The following PTPN2 variants were observed in gnomAD, a reference collection of about 807,000 sequenced individuals.
PTPN2 encodes protein tyrosine phosphatase non-receptor type 2, also known as tyrosine-protein phosphatase non-receptor type 2.
Under a neutral mutation model 57.3 loss-of-function variants are expected in PTPN2, and 19 were observed. The observed-to-expected ratio is 0.33, with a 90% CI of 0.23 to 0.49. PTPN2 has a LOEUF of 0.49. PTPN2 is among the 20% of genes least tolerant of loss of function. The pLI, the probability that PTPN2 is intolerant of heterozygous loss-of-function variation, is 0.99. For missense variants in PTPN2, 358 were observed against 501.1 expected, an observed-to-expected ratio of 0.71 and a Z score of 2.73; for synonymous variants, 153 against 164.9, an observed-to-expected ratio of 0.93 and a Z score of 0.55.
downstream of PTPN2, among the ~76,000 whole-genome samples, chr18:12,790,431 G>A (rs1236249211): frequency 6.6e-6 from 1 of 152,160 alleles, no homozygotes; most frequent in African/African-American, 2.4e-5. Context: ...AGAGGGAAGT[G>A]AGTTGCAGTT....
intron 3 of PTPN2, among the ~76,000 whole-genome samples, chr18:12,833,978 G>T (rs62097818): frequency 6.6e-6 from 1 of 152,128 alleles, no homozygotes; most frequent in African/African-American, 2.4e-5. Context: ...CTGAGTTCTC[G>T]CATTAAATGG....
chr18:12,788,731 G>A (rs962303765), downstream of PTPN2, among the ~76,000 whole-genome samples: 6 of 152,078 alleles, frequency 3.9e-5, no homozygotes, highest in African/African-American at 1.4e-4. Context: ...GCTCAGCAAT[G>A]GCAGTGAGGA....
chr18:12,805,896 G>T (rs556413546), intron 7 of PTPN2, among the ~76,000 whole-genome samples: 1 of 152,138 alleles, frequency 6.6e-6, no homozygotes, highest in East Asian at 1.9e-4. Context: ...CCAAAGTGCT[G>T]GGATTACAGG....
chr18:12,814,860 AATCACTTGAGGCCAG>A (rs2042013390), intron 6 of PTPN2, among the ~76,000 whole-genome samples: 1 of 151,928 alleles, frequency 6.6e-6, no homozygotes, highest in African/African-American at 2.4e-5. Context: ...TGGGAGGCCA[AATCACTTGAGGCCAG>A]GAGCTAGAGA....
At chr18:12,874,586 G>C (rs1222491082) in intron 1 of PTPN2, among the ~76,000 whole-genome samples, 1 of 130,468 alleles carries the variant, frequency 7.7e-6, no homozygotes, top group African/African-American at 2.9e-5. Flanking sequence ...GAGGGAGGTG[G>C]GGGGTTCAGC....
chr18:12,858,023 AT>A (rs1203157976), intron 2 of PTPN2, among the ~76,000 whole-genome samples: 1 of 152,118 alleles, frequency 6.6e-6, no homozygotes, highest in Admixed American at 6.5e-5. Flanking sequence ...AAAAATAAGG[AT>A]TTTTTTCCAG....
At chr18:12,813,123 C>T (rs1267872143) in intron 7 of PTPN2, among the ~76,000 whole-genome samples, 3 of 152,044 alleles carry the variant, frequency 2.0e-5, no homozygotes, top group East Asian at 1.9e-4. Context: ...GCAGGGAAGG[C>T]GGCATGCAGG....
At chr18:12,857,223 C>T (rs2043622604) in intron 2 of PTPN2, among the ~76,000 whole-genome samples, 1 of 151,950 alleles carries the variant, frequency 6.6e-6, no homozygotes, top group African/African-American at 2.4e-5. Context: ...AGACTGTGGC[C>T]CCAGAAAGGC....
At chr18:12,865,997 A>G (rs937372625) in intron 1 of PTPN2, among the ~76,000 whole-genome samples, 1 of 152,240 alleles carries the variant, frequency 6.6e-6, no homozygotes, top group Non-Finnish European at 1.5e-5. Context: ...AGCACTTTTA[A>G]TAATAGCTAA....
intron 1 of PTPN2, among the ~76,000 whole-genome samples, chr18:12,879,318 C>A (rs1318088809): frequency 6.6e-6 from 1 of 152,154 alleles, no homozygotes; most frequent in Admixed American, 6.5e-5. Context: ...CTTTCACGAT[C>A]AATTCTTCCA....
rs537191883 is a variant in PTPN2 at position 12,874,955 on chromosome 18, T to C, written c.69+9118A>G. On this transcript the variant is annotated intron_variant, in intron 1 of 8. Coordinates refer to ENST00000309660, the MANE Select transcript of PTPN2 (RefSeq NM_002828.4). The stretch of plus-strand genomic sequence containing the variant: ...ACATGGGAGACTTTTCATTTTGTTC[T>C]GTACTAAGAAAAATTCTTCTGCCTT... Among the ~76,000 whole-genome samples, 1,351 of 152,280 alleles carry C rather than the reference T, an allele frequency of 8.9e-3. 25 individuals carry two copies. Among genetic ancestry groups the C allele is most frequent in the African/African-American group, 0.031 (1,302 of 41,544 alleles).
chr18:12,807,586 A>ATATATATATATATATATATAT (rs1555660749), intron 7 of PTPN2, among the ~76,000 whole-genome samples: 1 of 35,194 alleles, frequency 2.8e-5, no homozygotes, highest in African/African-American at 7.0e-5. Flanking sequence ...AAAAAAAAAA[A>ATATATATATATATATATATAT]ATATATATAT....
chr18:12,807,586 A>ATATATATATATATATATATATATATAT (rs1555660749), intron 7 of PTPN2, among the ~76,000 whole-genome samples: 1 of 35,200 alleles, frequency 2.8e-5, no homozygotes, highest in African/African-American at 7.0e-5. Context: ...AAAAAAAAAA[A>ATATATATATATATATATATATATATAT]ATATATATAT....
At chr18:12,794,812 A>G (rs996478808) in intron 8 of PTPN2, among the ~76,000 whole-genome samples, 29 of 152,214 alleles carry the variant, frequency 1.9e-4, no homozygotes, top group African/African-American at 6.5e-4. Context: ...TAGTAGAGAC[A>G]GGGTTTTGCC....
At chr18:12,805,656 T>C (rs975176013) in intron 7 of PTPN2, among the ~76,000 whole-genome samples, 5 of 150,396 alleles carry the variant, frequency 3.3e-5, no homozygotes, top group African/African-American at 9.8e-5. Flanking sequence ...TTTTTTTTTT[T>C]TGAGATGGAG....
intron 1 of PTPN2, among the ~76,000 whole-genome samples, chr18:12,874,605 C>T (rs1276696584): frequency 1.3e-4 from 17 of 133,354 alleles, no homozygotes; most frequent in African/African-American, 4.1e-4. Context: ...GCCCCCCGCC[C>T]GGCCAGCCGC....
intron 7 of PTPN2, among the ~76,000 whole-genome samples, chr18:12,809,390 A>T (rs1378204790): frequency 2.0e-5 from 3 of 152,254 alleles, no homozygotes; most frequent in African/African-American, 7.2e-5. Context: ...GAAAGCAGTG[A>T]CAATTGTACA....
intron 1 of PTPN2, among the ~76,000 whole-genome samples, chr18:12,867,261 G>T (rs2044026557): frequency 6.6e-6 from 1 of 152,108 alleles, no homozygotes; most frequent in South Asian, 2.1e-4. Flanking sequence ...CAAGGCTGCA[G>T]TGAGCAGTGA....
intron 1 of PTPN2, among the ~76,000 whole-genome samples, chr18:12,870,513 T>TG (rs58509084): frequency 8.3e-5 from 10 of 120,708 alleles, no homozygotes; most frequent in African/African-American, 2.3e-4. Context: ...GCGTGTTGTT[T>TG]TTTTTTTTTT....
Sources: allele counts gnomAD v4.1 joint callset (sites outside exome capture counted in the v4.1 genomes callset), GRCh38; gene constraint gnomAD v4.1.1; transcripts MANE v1.5; gene names NCBI Gene and HGNC (gene_info 2026-07-23, HGNC 2026-07-21).